PHLPP2: variants seen among roughly 807,000 people sequenced by gnomAD.
PHLPP2 encodes PH domain leucine-rich repeat-containing protein phosphatase 2.
PHLPP2 carries 66 observed loss-of-function variants against 124.9 expected under a neutral mutation model. That is an observed-to-expected ratio of 0.53 (90% CI 0.43 to 0.65). The LOEUF (loss-of-function observed/expected upper bound fraction) is 0.65. Ranked by LOEUF, PHLPP2 falls within the 30% of genes least tolerant of loss-of-function variation. PHLPP2 has a pLI of 0.00. For synonymous variants in PHLPP2, 681 were observed against 624.7 expected, an observed-to-expected ratio of 1.09 and a Z score of -1.34; for missense variants, 1,685 against 1,600.4, an observed-to-expected ratio of 1.05 and a Z score of -0.90.
intron 3 of PHLPP2, among the ~76,000 whole-genome samples, chr16:71,691,925 G>C (rs374400258): frequency 3.3e-5 from 5 of 151,720 alleles, no homozygotes; most frequent in African/African-American, 1.2e-4. Flanking sequence ...GTAAGACCCT[G>C]TGTCTTAAAA....
Position 71,648,348 on chromosome 16 carries a change from G to T in PHLPP2, c.*542C>A. 1 of 158,986 alleles carries T rather than the reference G, an allele frequency of 6.3e-6. No homozygotes were observed. Among genetic ancestry groups the T allele is most frequent in the African/African-American group, 2.4e-5 (1 of 41,656 alleles). 9.8% of individuals were successfully genotyped at this position (158,986 alleles called of 1,614,324 possible). The stretch of plus-strand genomic sequence containing the variant: ...AGCTGCTTTCTTCCCAGTACCCCTG[G>T]GAATTCCAATGCAGGTTAAATGTGA... On this transcript the variant is annotated 3_prime_UTR_variant, in exon 19 of 19. Transcript: ENST00000568954.
At chr16:71,664,219 A>G in intron 12 of PHLPP2, 120 bp from the exon 13 acceptor site, 1 of 697,184 alleles carries the variant, frequency 1.4e-6, no homozygotes. Flanking sequence ...ATGGGAAAAA[A>G]AAAAAAATCT....
At chr16:71,659,628 A>T (rs551406199) in intron 13 of PHLPP2, among the ~76,000 whole-genome samples, 1 of 152,290 alleles carries the variant, frequency 6.6e-6, no homozygotes, top group South Asian at 2.1e-4. Flanking sequence ...CTAAACATTT[A>T]TCAAGTTCTT....
chr16:71,686,296 C>T (rs1461218490), intron 4 of PHLPP2, among the ~76,000 whole-genome samples: 1 of 152,124 alleles, frequency 6.6e-6, no homozygotes, highest in African/African-American at 2.4e-5. Context: ...CCTTAGCTTC[C>T]TGAGTAGCTA....
chr16:71,712,376 A>AATGT (rs1567629885), intron 2 of PHLPP2, among the ~76,000 whole-genome samples: 1 of 152,246 alleles, frequency 6.6e-6, no homozygotes, highest in Non-Finnish European at 1.5e-5. Flanking sequence ...TAAACACATA[A>AATGT]GTAAATAAAC....
At chr16:71,692,152 C>T (rs938235339) in intron 3 of PHLPP2, among the ~76,000 whole-genome samples, 3 of 151,934 alleles carry the variant, frequency 2.0e-5, no homozygotes, top group Non-Finnish European at 2.9e-5. Context: ...TCACTGCGAG[C>T]CCCGCCTCCC....
intron 12 of PHLPP2, among the ~76,000 whole-genome samples, chr16:71,665,092 G>A (rs13331820): frequency 3.9e-5 from 6 of 152,104 alleles, no homozygotes; most frequent in South Asian, 2.1e-4. Flanking sequence ...GGTGGATCAC[G>A]AGGTCAGGAG....
At chr16:71,668,483 C>G (rs2044860262) in intron 11 of PHLPP2, among the ~76,000 whole-genome samples, 1 of 149,162 alleles carries the variant, frequency 6.7e-6, no homozygotes. Context: ...CATCCAAGGC[C>G]AGGTGTGGTG....
At chr16:71,720,662 C>CCT (rs2045392828) in intron 1 of PHLPP2, among the ~76,000 whole-genome samples, 2 of 150,542 alleles carry the variant, frequency 1.3e-5, no homozygotes, top group Non-Finnish European at 3.0e-5. Context: ...GCCAGGACTT[C>CCT]AACACCAGCC....
At chr16:71,702,091 T>C (rs992307915) in intron 3 of PHLPP2, among the ~76,000 whole-genome samples, 2 of 152,294 alleles carry the variant, frequency 1.3e-5, no homozygotes, top group East Asian at 1.9e-4. Flanking sequence ...TTAACTATTA[T>C]AGTGATAGAT....
At chr16:71,683,644 G>A (rs1425306202) in intron 5 of PHLPP2, among the ~76,000 whole-genome samples, 1 of 152,138 alleles carries the variant, frequency 6.6e-6, no homozygotes, top group Non-Finnish European at 1.5e-5. Flanking sequence ...AAACATTTTT[G>A]ACAGCATTTT....
intron 11 of PHLPP2, among the ~76,000 whole-genome samples, chr16:71,668,922 G>A (rs2044865236): frequency 6.6e-6 from 1 of 152,136 alleles, no homozygotes; most frequent in African/African-American, 2.4e-5. Flanking sequence ...TAAAGGATTA[G>A]GTAAGATCAT....
intron 10 of PHLPP2, among the ~76,000 whole-genome samples, chr16:71,671,522 G>T (rs2044892733): frequency 6.6e-6 from 1 of 151,772 alleles, no homozygotes; most frequent in African/African-American, 2.4e-5. Context: ...GGTTATAAAT[G>T]AATAAAAAGT....
chr16:71,688,181 G>C (rs1388676612), intron 4 of PHLPP2, among the ~76,000 whole-genome samples: 1 of 152,166 alleles, frequency 6.6e-6, no homozygotes, highest in Non-Finnish European at 1.5e-5. Flanking sequence ...ATTTTAAAGA[G>C]CTTTTCCAAA....
chr16:71,669,545 G>C (rs1383667721), intron 10 of PHLPP2, among the ~76,000 whole-genome samples, 175 bp from the exon 11 acceptor site: 2 of 152,204 alleles, frequency 1.3e-5, no homozygotes, highest in African/African-American at 4.8e-5. Flanking sequence ...GAATGCTGCT[G>C]AATTAGAAGG....
At chr16:71,660,063 CACTGAAAAAA>C (rs1228408417) in intron 13 of PHLPP2, among the ~76,000 whole-genome samples, 2 of 151,260 alleles carry the variant, frequency 1.3e-5, no homozygotes, top group Non-Finnish European at 2.9e-5. Flanking sequence ...AATATATACT[CACTGAAAAAA>C]ACTGAAAAAT....
Position 71,679,541 on chromosome 16 carries a change from G to C in PHLPP2, c.891-6C>G, listed in dbSNP as rs575887191. ...GGCCCTTCAGTTGAGAAAATCTAAAGAGCAAAGGCAAAAATGGGTATTGCA... is the reference window on the plus strand; with the variant it reads ...GGCCCTTCAGTTGAGAAAATCTAAACAGCAAAGGCAAAAATGGGTATTGCA... On this transcript the variant is annotated splice_polypyrimidine_tract_variant and splice_region_variant and intron_variant, in intron 6 of 18. Coordinates refer to ENST00000568954, the MANE Select transcript of PHLPP2 (RefSeq NM_015020.3). The C allele has an allele frequency of 3.7e-6, 6 of 1,611,402 alleles. No homozygotes were observed. The African/African-American group carries it at 8.0e-5, about 22-fold the overall frequency.
Position 71,672,367 on chromosome 16 carries a change from A to T in PHLPP2, c.1472-45T>A, listed in dbSNP as rs750737341. 8.8e-6 allele frequency: 12 copies of T among 1,359,934 alleles called. No individual in the cohort carries two copies. The East Asian group carries it at 2.7e-4, about 31-fold the overall frequency. 84.2% of individuals were successfully genotyped at this position (1,359,934 alleles called of 1,614,324 possible). On this transcript the variant is annotated intron_variant, in intron 9 of 18. Transcript: ENST00000568954. ...GTGTTAGTGACATCCTCTAAAAAAG[A>T]AAGTAACTGAGAGCTGACAATGGAA...
At chr16:71,684,894 C>T (rs189714785) in intron 4 of PHLPP2, among the ~76,000 whole-genome samples, 1 of 152,164 alleles carries the variant, frequency 6.6e-6, no homozygotes, top group East Asian at 1.9e-4. Flanking sequence ...TCCACTATGT[C>T]CCCCTTACTG....
Sources: gnomAD v4.1 joint callset for allele counts (sites outside exome capture counted in the v4.1 genomes callset) on GRCh38, gnomAD v4.1.1 for gene constraint, MANE v1.5 for transcripts, NCBI Gene and HGNC (gene_info 2026-07-23, HGNC 2026-07-21) for gene names.